Variants in FHIT observed in about 807,000 individuals in gnomAD.
The protein encoded by FHIT is fragile histidine triad diadenosine triphosphatase.
FHIT carries 19 observed loss-of-function variants against 17.9 expected under a neutral mutation model. That is an observed-to-expected ratio of 1.06 (90% CI 0.74 to 1.56). FHIT has a LOEUF of 1.56. Among genes scored for constraint, FHIT ranks in the 40% most tolerant of loss-of-function variants. FHIT has a pLI of 0.00. For missense variants in FHIT, 248 were observed against 189.2 expected (o/e 1.31, Z -1.82); for synonymous variants, 81 against 69.7 (o/e 1.16, Z -0.81).
At chr3:60,450,410 A>C (rs2031658404) in intron 5 of FHIT, among the ~76,000 whole-genome samples, 1 of 152,106 alleles carries the variant, frequency 6.6e-6, no homozygotes, top group African/African-American at 2.4e-5. Flanking sequence ...ATGTATATAT[A>C]TCTCTAAGAG....
At chr3:59,810,040 G>T (rs1700353193) in intron 8 of FHIT, among the ~76,000 whole-genome samples, 1 of 152,132 alleles carries the variant, frequency 6.6e-6, no homozygotes, top group South Asian at 2.1e-4. Context: ...AGGATAAGGG[G>T]ACTCAGAGTT....
intron 3 of FHIT, among the ~76,000 whole-genome samples, chr3:60,906,004 A>G (rs1553764455): frequency 1.3e-5 from 2 of 152,192 alleles, no homozygotes; most frequent in Admixed American, 1.3e-4. Flanking sequence ...TTTAAAAAGG[A>G]TTTATAAAGC....
At chr3:60,886,710 CTCTG>C (rs1705239277) in intron 3 of FHIT, among the ~76,000 whole-genome samples, 1 of 152,108 alleles carries the variant, frequency 6.6e-6, no homozygotes, top group South Asian at 2.1e-4. Context: ...GAGTCCTACC[CTCTG>C]TCTGTATTGT....
chr3:60,558,789 C>T (rs1471250606), intron 4 of FHIT, among the ~76,000 whole-genome samples: 1 of 152,118 alleles, frequency 6.6e-6, no homozygotes, highest in South Asian at 2.1e-4. Context: ...CTTTTAGATA[C>T]CATTACCAAT....
At chr3:61,218,832 T>G (rs149133715) in intron 1 of FHIT, among the ~76,000 whole-genome samples, 81 of 152,320 alleles carry the variant, frequency 5.3e-4, no homozygotes, top group African/African-American at 1.9e-3. Context: ...TGTATGGCCT[T>G]TATTGTTCAA....
rs186885336 is a variant in FHIT at position 61,162,559 on chromosome 3, C to G, written c.-164+38058G>C. ...CCCTTAAAACCAAATCCAACTAGCT[C>G]TAAACCATAAACATATATTATGATT... On this transcript the variant is annotated intron_variant, in intron 2 of 9. Coordinates refer to ENST00000492590, the MANE Select transcript of FHIT (RefSeq NM_002012.4). Among the ~76,000 whole-genome samples the G allele has an allele frequency of 2.6e-5, 4 of 152,244 alleles. No individual in the cohort carries two copies. In the East Asian group the frequency reaches 7.7e-4, roughly 29 times the overall value.
intron 4 of FHIT, among the ~76,000 whole-genome samples, chr3:60,649,351 G>T (rs184636856): frequency 1.3e-5 from 2 of 152,138 alleles, no homozygotes; most frequent in Admixed American, 6.5e-5. Context: ...GCAGCTAGCC[G>T]AGATGGCACC....
At chr3:59,782,245 C>T (rs149710063) in intron 8 of FHIT, among the ~76,000 whole-genome samples, 92 of 152,262 alleles carry the variant, frequency 6.0e-4, no homozygotes, top group African/African-American at 1.9e-3. Flanking sequence ...TGAGCTACTG[C>T]GCCTGGCCAT....
chr3:60,238,334 C>T lies in FHIT; in HGVS notation c.104-224182G>A, dbSNP rs374435181. The stretch of plus-strand genomic sequence containing the variant: ...GGCTACTGTACTTACTCTATCTTAG[C>T]GATATTTAATAATATTAAATGTTTT... On this transcript the variant is annotated intron_variant, in intron 5 of 9. Transcript: ENST00000492590. Among the ~76,000 whole-genome samples the T allele has an allele frequency of 1.1e-4, 16 of 149,646 alleles. No individual in the cohort carries two copies. In the South Asian group the frequency reaches 1.3e-3, roughly 12 times the overall value.
chr3:60,748,446 T>C (rs1553715941), intron 4 of FHIT, among the ~76,000 whole-genome samples: 1 of 152,190 alleles, frequency 6.6e-6, no homozygotes, highest in African/African-American at 2.4e-5. Flanking sequence ...CTCCATCGGA[T>C]ACCAGAATCC....
rs891064742 is a variant in FHIT at position 60,413,658 on chromosome 3, G to A, written c.103+123202C>T. On this transcript the variant is annotated intron_variant, in intron 5 of 9. Transcript: ENST00000492590. ...GTTGACTGCAGGGAACTCTGTGTGT[G>A]TGTGTGTGTGTGTGTATGTGTATGT... Among the ~76,000 whole-genome samples the A allele has an allele frequency of 2.1e-3, 321 of 152,150 alleles. 2 individuals are homozygous for A. Among genetic ancestry groups the A allele is most frequent in the Non-Finnish European group, 4.0e-3 (274 of 67,980 alleles).
At chr3:60,700,180 A>C (rs2041213311) in intron 4 of FHIT, among the ~76,000 whole-genome samples, 1 of 151,846 alleles carries the variant, frequency 6.6e-6, no homozygotes, top group African/African-American at 2.4e-5. Context: ...TATATAAAAT[A>C]AGTCAATACG....
intron 8 of FHIT, among the ~76,000 whole-genome samples, chr3:59,814,740 C>A (rs6765570): frequency 0.01 from 1,561 of 152,296 alleles, 22 homozygotes; most frequent in African/African-American, 0.035. Flanking sequence ...AAGACAGTCC[C>A]TCTCTCATGG....
rs576428181 is a variant in FHIT, at chr3:60,164,388, A to C, written c.104-150236T>G. ...GCCATGCAGCCATGGCACTGCTGGGATGTGTCAAATCACACCCATCTAAAA... is the reference window on the plus strand; with the variant it reads ...GCCATGCAGCCATGGCACTGCTGGGCTGTGTCAAATCACACCCATCTAAAA... On this transcript the variant is annotated intron_variant, in intron 5 of 9. Transcript: ENST00000492590. Among the ~76,000 whole-genome samples, 14 of 152,302 alleles carry C rather than the reference A, an allele frequency of 9.2e-5. No individual in the cohort carries two copies. In the East Asian group the frequency reaches 2.5e-3, roughly 27 times the overall value.
At chr3:60,690,800 A>G (rs751651199) in intron 4 of FHIT, 4 of 341,514 alleles carry the variant, frequency 1.2e-5, no homozygotes, top group Non-Finnish European at 2.3e-5. Flanking sequence ...TTTCTCTCTC[A>G]GTTACCTGGG....
chr3:60,320,555 A>G (rs191106499), intron 5 of FHIT, among the ~76,000 whole-genome samples: 13 of 152,190 alleles, frequency 8.5e-5, no homozygotes, highest in Middle Eastern at 3.4e-3. Flanking sequence ...ATCCTTGTCC[A>G]ATCACTGTAA....
intron 4 of FHIT, among the ~76,000 whole-genome samples, chr3:60,799,875 A>T (rs1381643298): frequency 6.6e-6 from 1 of 152,116 alleles, no homozygotes; most frequent in Admixed American, 6.5e-5. Flanking sequence ...TATTCTGTAA[A>T]CTCTTTGAGA....
At chr3:61,099,954 G>A (rs1025050980) in intron 2 of FHIT, among the ~76,000 whole-genome samples, 5 of 152,148 alleles carry the variant, frequency 3.3e-5, no homozygotes, top group Admixed American at 2.0e-4. Flanking sequence ...GAAGGTTCCC[G>A]AATCCTTGCT....
intron 4 of FHIT, chr3:60,690,779 C>T (rs73099272): frequency 0.053 from 18,251 of 346,402 alleles, 638 homozygotes; most frequent in Non-Finnish European, 0.074. Flanking sequence ...TTACTGAATT[C>T]TTAACTTCAA....
Sources: allele counts gnomAD v4.1 joint callset (sites outside exome capture counted in the v4.1 genomes callset), GRCh38; gene constraint gnomAD v4.1.1; transcripts MANE v1.5; gene names NCBI Gene and HGNC (gene_info 2026-07-23, HGNC 2026-07-21).